Variants in AZI2 observed in about 807,000 individuals in gnomAD.
AZI2 encodes 5-azacytidine induced 2.
Under a neutral mutation model 45.8 loss-of-function variants are expected in AZI2, and 22 were observed. That is an observed-to-expected ratio of 0.48 (90% confidence interval 0.34 to 0.69). The LOEUF is 0.69. Ranked by LOEUF, AZI2 falls within the 30% of genes least tolerant of loss-of-function variation. The pLI, the probability that AZI2 is intolerant of heterozygous loss-of-function variation, is 0.01. For missense variants in AZI2, 417 were observed against 441.5 expected (o/e 0.94, Z 0.50); for synonymous variants, 137 against 156.7 (o/e 0.87, Z 0.94).
rs1703196114 is a variant in AZI2 at position 28,321,789 on chromosome 3, A to G, written c.*2253T>C. On this transcript the variant is annotated 3_prime_UTR_variant, in exon 8 of 8. Transcript: ENST00000479665. ...AGAATTCAGTTCCATTTTGGCAGCA[A>G]CTCAGTAAGTCTTACAGATGTAAAT... 6.6e-6 allele frequency: 1 copy of G among 151,360 alleles called. No homozygotes were observed. Among genetic ancestry groups the G allele is most frequent in the African/African-American group, 2.4e-5 (1 of 41,354 alleles). 9.4% of individuals were successfully genotyped at this position (151,360 alleles called of 1,614,324 possible). A position where few individuals can be genotyped will look rare whatever the true frequency, so the allele number is the denominator to read the frequency against.
chr3:28,323,063 AC>A lies in AZI2; in HGVS notation c.*978del, dbSNP rs763332277. The A allele has an allele frequency of 6.0e-5, 9 of 151,056 alleles. No homozygotes were observed. The highest frequency in any genetic ancestry group is 7.4e-5 in the Non-Finnish European group (5 of 67,338). The allele number at this position is 151,056 out of a possible 1,614,324, so 9.4% of individuals were successfully genotyped here. A position where few individuals can be genotyped will look rare whatever the true frequency, so the allele number is the denominator to read the frequency against. On this transcript the variant is annotated 3_prime_UTR_variant, in exon 8 of 8. Coordinates refer to ENST00000479665, the MANE Select transcript of AZI2 (RefSeq NM_022461.5). ...GATCGACAATATCAATACAGCCCAA[AC>A]CCTGATTTCTATGATTAAAAATAAT...
At position 28,336,135 on chromosome 3, in the gene AZI2, G is replaced by C. The variant is rs147441531; in HGVS notation, c.588+602C>G. Among the ~76,000 whole-genome samples, 16 of 152,078 alleles carry C rather than the reference G, an allele frequency of 1.1e-4. No homozygotes were observed. The East Asian group carries it at 1.4e-3, about 13-fold the overall frequency. ...ACAGACTCTTGGTGAGGACCTAAAA[G>C]GCATCTTGTTTTAGTGGTTGACTTC... On this transcript the variant is annotated intron_variant, in intron 5 of 7. Coordinates refer to ENST00000479665, the MANE Select transcript of AZI2 (RefSeq NM_022461.5).
intron 4 of AZI2, among the ~76,000 whole-genome samples, chr3:28,337,363 C>T (rs745556902): frequency 7.9e-5 from 12 of 152,050 alleles, no homozygotes; most frequent in Non-Finnish European, 1.6e-4. Flanking sequence ...TCTCTAGCTA[C>T]AAAAAGCTCC....
At position 28,321,604 on chromosome 3, in the gene AZI2, G is replaced by C. The variant is rs1476673191; in HGVS notation, c.*2438C>G. 6.6e-6 allele frequency: 1 copy of C among 151,244 alleles called. No homozygotes were observed. The highest frequency in any genetic ancestry group is 1.5e-5 in the Non-Finnish European group (1 of 67,516). 9.4% of individuals were successfully genotyped at this position (151,244 alleles called of 1,614,324 possible). ...TGATATTATTCCCTGTTAATATGTG[G>C]TAACCCACAGGTTTTTTACCCCTTA... is the stretch of plus-strand genomic sequence containing the variant. On this transcript the variant is annotated 3_prime_UTR_variant, in exon 8 of 8. Transcript: ENST00000479665.
chr3:28,338,648 G>C, intron 2 of AZI2, 33 bp from the exon 3 acceptor site: 3 of 1,583,972 alleles, frequency 1.9e-6, no homozygotes, highest in Non-Finnish European at 2.6e-6. Context: ...GAAAGCTTAA[G>C]AGAGTATTCT....
intron 1 of AZI2, among the ~76,000 whole-genome samples, chr3:28,346,340 T>G (rs1271635254): frequency 6.6e-6 from 1 of 152,068 alleles, no homozygotes; most frequent in Non-Finnish European, 1.5e-5. Context: ...CTTACTAAAC[T>G]GTGAAGGCAA....
At position 28,332,365 on chromosome 3, in the gene AZI2, A is replaced by C; in HGVS notation, c.647+4T>G. ...ATTGTCTTAATGCTGAAGAGTGGTC[A>C]TACCTTGAAATGCTTAGTTTTTGGA... On this transcript the variant is annotated splice_donor_region_variant and intron_variant, in intron 6 of 7. Transcript: ENST00000479665. 6.2e-7 allele frequency: 1 copy of C among 1,602,350 alleles called. No homozygotes were observed.
chr3:28,338,404 A>C, intron 3 of AZI2, 89 bp downstream of exon 3: 1 of 1,344,122 alleles, frequency 7.4e-7, no homozygotes, highest in East Asian at 2.5e-5. Flanking sequence ...TACTAAATGT[A>C]AATATTTAAC....
rs1377586542 is a variant in AZI2, at chr3:28,324,272, G to A, written c.949C>T (p.Gln317Ter). 1 of 1,608,920 alleles carries A rather than the reference G, an allele frequency of 6.2e-7. No homozygotes were observed. Among genetic ancestry groups the A allele is most frequent in the South Asian group, 1.1e-5 (1 of 90,784 alleles). Residue 317 changes from glutamine (Q) to a stop codon, truncating the protein, a stop_gained, in exon 8 of 8, where the codon CAA (glutamine) becomes TAA (stop). Coordinates refer to ENST00000479665, the MANE Select transcript of AZI2 (RefSeq NM_022461.5). LOFTEE classifies it high-confidence loss of function. ...GATCTCTCATTGTCTGTCCATGATT[G>A]GAGGATTGCTTTCTCTGATAAAACC... ...VKVLSEKAIL[Q>*]SWTDNERSIP...
rs1703181301 is a variant in AZI2 at position 28,321,315 on chromosome 3, A to G, written c.*2727T>C. Reference sequence around the variant, plus strand: ...AATGGAAGAGTTACTTTAAGAAGCTAGTGAAATATACAATCTATTTTATAG... The same window carrying G: ...AATGGAAGAGTTACTTTAAGAAGCTGGTGAAATATACAATCTATTTTATAG... On this transcript the variant is annotated 3_prime_UTR_variant, in exon 8 of 8. Transcript: ENST00000479665. 1 of 151,458 alleles carries G rather than the reference A, an allele frequency of 6.6e-6. No individual in the cohort carries two copies. Among genetic ancestry groups the G allele is most frequent in the Non-Finnish European group, 1.5e-5 (1 of 67,572 alleles). The allele number at this position is 151,458 out of a possible 1,614,324, so 9.4% of individuals were successfully genotyped here.
intron 6 of AZI2, among the ~76,000 whole-genome samples, chr3:28,329,772 TC>T (rs1367055829): frequency 2.0e-5 from 3 of 151,048 alleles, no homozygotes; most frequent in Non-Finnish European, 4.4e-5. Flanking sequence ...CAACTGCGGT[TC>T]CCCCCAAACA....
chr3:28,340,271 A>T, intron 2 of AZI2, 131 bp downstream of exon 2: 1 of 639,838 alleles, frequency 1.6e-6, no homozygotes, highest in Non-Finnish European at 2.7e-6. Context: ...CAGAGTTTTC[A>T]GATTAGCAGT....
In AZI2 at chr3:28,340,413, A is replaced by G; in HGVS notation, c.205T>C (p.Leu69=). ...AAGATAAAAATTACCTTTTCTTCCAAAAATCTTATTCTCTTCTTTAACAAA... is the reference window on the plus strand; with the variant it reads ...AAGATAAAAATTACCTTTTCTTCCAGAAATCTTATTCTCTTCTTTAACAAA... ...NSLLKKRIRF[L]EEKLIARFEE... Residue 69 remains leucine (L), a synonymous_variant, in exon 2 of 8, where the codon TTG becomes CTG. Transcript: ENST00000479665. 6.3e-7 allele frequency: 1 copy of G among 1,583,306 alleles called. No individual in the cohort carries two copies. The highest frequency in any genetic ancestry group is 1.4e-5 in the African/African-American group (1 of 74,020).
intron 3 of AZI2, 131 bp from the exon 4 acceptor site, chr3:28,338,167 T>C: frequency 3.9e-6 from 2 of 515,058 alleles, no homozygotes; most frequent in African/African-American, 4.0e-5. Flanking sequence ...GAACTCAGTT[T>C]CTCAGAAATG....
At chr3:28,342,344 G>C (rs1559463624) in intron 1 of AZI2, among the ~76,000 whole-genome samples, 1 of 151,822 alleles carries the variant, frequency 6.6e-6, no homozygotes, top group South Asian at 2.1e-4. Context: ...AACCATACAG[G>C]ACAACTCCCA....
At chr3:28,343,890 T>G (rs570054253) in intron 1 of AZI2, among the ~76,000 whole-genome samples, 66 of 152,206 alleles carry the variant, frequency 4.3e-4, no homozygotes, top group Non-Finnish European at 2.9e-5. Flanking sequence ...TTATACAACA[T>G]GATAGCTAGT....
intron 6 of AZI2, among the ~76,000 whole-genome samples, chr3:28,329,557 A>G (rs575117836): frequency 6.6e-6 from 1 of 151,336 alleles, no homozygotes; most frequent in East Asian, 1.9e-4. Flanking sequence ...TTCTTAATTG[A>G]CACTATATAT....
intron 1 of AZI2, among the ~76,000 whole-genome samples, chr3:28,344,031 ATTATTCTATATAT>A (rs1704130538): frequency 6.6e-6 from 1 of 152,014 alleles, no homozygotes; most frequent in Non-Finnish European, 1.5e-5. Context: ...GTTTTATACC[ATTATTCTATATAT>A]TTATTCTATA....
In AZI2 at chr3:28,326,836, C is replaced by G; in HGVS notation, c.762G>C (p.Lys254Asn). ...TTCCGGTAAACAGTGACTTGCCTTT[C>G]TTGATTGCAGTTGAGGTTTTCAGTT... ...LRKLKTSTAI[K>N]KACAPVGCSE... Residue 254 changes from lysine to asparagine, a missense_variant, in exon 7 of 8, where the codon AAG becomes AAC. Lys to Asn is a moderately conservative substitution (Grantham distance 94). Coordinates refer to ENST00000479665, the MANE Select transcript of AZI2 (RefSeq NM_022461.5). 1 of 1,604,620 alleles carries G rather than the reference C, an allele frequency of 6.2e-7. No individual in the cohort carries two copies. Among genetic ancestry groups the G allele is most frequent in the Non-Finnish European group, 8.5e-7 (1 of 1,172,396 alleles).
Sources: gnomAD v4.1 joint callset for allele counts (sites outside exome capture counted in the v4.1 genomes callset) on GRCh38, gnomAD v4.1.1 for gene constraint, MANE v1.5 for transcripts, NCBI Gene and HGNC (gene_info 2026-07-23, HGNC 2026-07-21) for gene names.